Variants in PCDHA3 observed in about 807,000 individuals in gnomAD.
PCDHA3 encodes the protein protocadherin alpha-3.
PCDHA3 carries 41 observed loss-of-function variants against 62.2 expected under a neutral mutation model. The ratio of observed to expected loss-of-function variants is 0.66; its 90% CI spans 0.51 to 0.86. The LOEUF (loss-of-function observed/expected upper bound fraction) is 0.86, where lower values mean the gene tolerates loss of function less well. PCDHA3 is among the 40% of genes least tolerant of loss of function. The pLI is 0.00. For synonymous variants in PCDHA3, 640 were observed against 555.4 expected, an observed-to-expected ratio of 1.15 and a Z score of -2.14; for missense variants, 1,304 against 1,241.2, an observed-to-expected ratio of 1.05 and a Z score of -0.76.
chr5:140,857,059 G>A lies in PCDHA3; in HGVS notation c.2394+53468G>A. On this transcript the variant is annotated intron_variant, in intron 1 of 3. Transcript: ENST00000522353. The stretch of plus-strand genomic sequence containing the variant: ...TGGTTGGTCACTGCACGGTCCTAGT[G>A]GAACTACTGGATGAAAATGATAATT... The A allele has an allele frequency of 4.4e-6, 7 of 1,594,522 alleles. 2 individuals are homozygous for A. The highest frequency in any genetic ancestry group is 6.0e-6 in the Non-Finnish European group (7 of 1,164,610).
At position 140,917,079 on chromosome 5, in the gene PCDHA3, A is replaced by G. The variant is rs115825402; in HGVS notation, c.2395-61870A>G. Among the ~76,000 whole-genome samples the G allele has an allele frequency of 8.0e-3, 1,217 of 152,106 alleles. 6 individuals carry two copies. The highest frequency in any genetic ancestry group is 0.019 in the African/African-American group (785 of 41,476). On this transcript the variant is annotated intron_variant, in intron 1 of 3. Coordinates refer to ENST00000522353, the MANE Select transcript of PCDHA3 (RefSeq NM_018906.3). ...GCTACGACAGCACCGAGTTTAATGT[A>G]AAGTTCCCCAGTTGCTGTGCTTTAC... is the stretch of plus-strand genomic sequence containing the variant.
rs199809889 is a variant in PCDHA3, at chr5:140,883,348, A to C, written c.2394+79757A>C. On this transcript the variant is annotated intron_variant, in intron 1 of 3. Transcript: ENST00000522353. ...TCACTTCTTTGTCACTCCCCATCAGAGAAGACACTCAGCCTAGCGCCATTA... is the reference window on the plus strand; with the variant it reads ...TCACTTCTTTGTCACTCCCCATCAGCGAAGACACTCAGCCTAGCGCCATTA... The C allele has an allele frequency of 1.9e-6, 3 of 1,614,172 alleles. No homozygotes were observed. In the African/African-American group the frequency reaches 4.0e-5, roughly 22 times the overall value.
At chr5:140,804,935 T>A (rs1043249168) in intron 1 of PCDHA3, 2 of 1,158,578 alleles carry the variant, frequency 1.7e-6, no homozygotes, top group Non-Finnish European at 2.3e-6. Flanking sequence ...CACTATCCTT[T>A]GTTGCTCCCT....
At chr5:140,898,956 T>C (rs1352076218) in intron 1 of PCDHA3, among the ~76,000 whole-genome samples, 4 of 152,130 alleles carry the variant, frequency 2.6e-5, no homozygotes, top group Admixed American at 2.6e-4. Context: ...GAAGCAGTTG[T>C]GAATGGGAGT....
intron 3 of PCDHA3, among the ~76,000 whole-genome samples, chr5:141,007,512 G>C (rs2098333445): frequency 6.6e-6 from 1 of 152,040 alleles, no homozygotes; most frequent in Admixed American, 6.6e-5. Context: ...AGACTGCAGT[G>C]AGCTGATATC....
chr5:140,808,161 A>C (rs1554124432), intron 1 of PCDHA3: 2 of 1,614,222 alleles, frequency 1.2e-6, no homozygotes, highest in Non-Finnish European at 1.7e-6. Context: ...GGCATTGATA[A>C]GGGACAGCTC....
At chr5:140,807,725 C>G in intron 1 of PCDHA3, 1 of 1,614,176 alleles carries the variant, frequency 6.2e-7, no homozygotes, top group Non-Finnish European at 8.5e-7. Flanking sequence ...ATACTTTTCT[C>G]TGGAAAAACC....
At chr5:140,820,544 A>T (rs1260272313) in intron 1 of PCDHA3, among the ~76,000 whole-genome samples, 4 of 152,008 alleles carry the variant, frequency 2.6e-5, no homozygotes, top group African/African-American at 7.2e-5. Flanking sequence ...TTCAATAGAA[A>T]ACTTGGTGAT....
At chr5:140,969,473 A>C (rs562575347) in intron 1 of PCDHA3, 2 of 1,478,208 alleles carry the variant, frequency 1.4e-6, no homozygotes, top group South Asian at 2.8e-5. Context: ...CCACAATTTG[A>C]TCATAATCTG....
rs2150406668 is a variant in PCDHA3, at chr5:140,848,164, G to C, written c.2394+44573G>C. ...TAGAGGCAGTCAGTCTGCTAAGAAG[G>C]CTCCAGCAAGAGAAACGGGATCTTC... On this transcript the variant is annotated intron_variant, in intron 1 of 3. Transcript: ENST00000522353. 62 of 251,046 alleles carry C rather than the reference G, an allele frequency of 2.5e-4. 5 individuals are homozygous for C. Among genetic ancestry groups the C allele is most frequent in the African/African-American group, 1.2e-3 (56 of 44,864 alleles). The allele number at this position is 251,046 out of a possible 1,614,324, so 15.6% of individuals were successfully genotyped here.
intron 1 of PCDHA3, among the ~76,000 whole-genome samples, chr5:140,962,051 T>G (rs1352018533): frequency 6.6e-6 from 1 of 151,838 alleles, no homozygotes; most frequent in East Asian, 1.9e-4. Context: ...GCCTGGCTAA[T>G]TTTTTTGTAT....
At chr5:140,812,151 T>A (rs1554125915) in intron 1 of PCDHA3, 1 of 151,954 alleles carries the variant, frequency 6.6e-6, no homozygotes, top group Non-Finnish European at 1.5e-5. Context: ...TGGGCTTTTG[T>A]TGTTGTTGTT....
At chr5:140,876,207 C>A (rs251377) in intron 1 of PCDHA3, 776,282 of 1,613,510 alleles carry the variant, frequency 0.48, 188,573 homozygotes, top group South Asian at 0.57. Flanking sequence ...TTGATAAGCC[C>A]AGCTATAAAG....
intron 1 of PCDHA3, among the ~76,000 whole-genome samples, chr5:140,945,881 A>C (rs1334626828): frequency 6.6e-6 from 1 of 152,158 alleles, no homozygotes; most frequent in African/African-American, 2.4e-5. Flanking sequence ...AAAACTAACA[A>C]AGAAAACACA....
At chr5:140,882,072 T>G in intron 1 of PCDHA3, 4 of 861,576 alleles carry the variant, frequency 4.6e-6, no homozygotes, top group Non-Finnish European at 7.0e-6. Flanking sequence ...TTCATGCGCA[T>G]GGTGTCGCTC....
intron 3 of PCDHA3, among the ~76,000 whole-genome samples, chr5:141,000,423 T>TC (rs2097932931): frequency 9.0e-5 from 6 of 66,856 alleles, no homozygotes; most frequent in African/African-American, 3.6e-4. Flanking sequence ...ATATATATAT[T>TC]TTTTTTTTTT....
At chr5:140,978,240 C>T (rs1290697340) in intron 1 of PCDHA3, among the ~76,000 whole-genome samples, 3 of 152,174 alleles carry the variant, frequency 2.0e-5, no homozygotes, top group African/African-American at 7.2e-5. Context: ...TGGATTTCAG[C>T]TACTCCCTGT....
intron 3 of PCDHA3, 66 bp from the exon 4 acceptor site, chr5:141,009,561 A>C: frequency 6.4e-7 from 1 of 1,571,278 alleles, no homozygotes; most frequent in Non-Finnish European, 8.6e-7. Context: ...CCTGTACTCT[A>C]CCAGCAGTGT....
chr5:140,815,901 T>C (rs1487554416), intron 1 of PCDHA3: 1 of 152,170 alleles, frequency 6.6e-6, no homozygotes, highest in Non-Finnish European at 1.5e-5. Context: ...CAGTATAACA[T>C]CTCACCCCTT....
Sources: gnomAD v4.1 joint callset for allele counts (sites outside exome capture counted in the v4.1 genomes callset) on GRCh38, gnomAD v4.1.1 for gene constraint, MANE v1.5 for transcripts, NCBI Gene and HGNC (gene_info 2026-07-23, HGNC 2026-07-21) for gene names.